METTL22: variants seen among roughly 807,000 people sequenced by gnomAD.
METTL22 encodes the protein methyltransferase 22, Kin17 lysine.
Under a neutral mutation model 48.4 loss-of-function variants are expected in METTL22, and 51 were observed. The ratio of observed to expected loss-of-function variants is 1.05; its 90% CI spans 0.84 to 1.33. The LOEUF is 1.33. Among genes scored for constraint, METTL22 ranks in the 40% most tolerant of loss-of-function variants. The pLI is 0.00. For synonymous variants in METTL22, 255 were observed against 214.1 expected, an observed-to-expected ratio of 1.19 and a Z score of -1.67; for missense variants, 678 against 526.9, an observed-to-expected ratio of 1.29 and a Z score of -2.81.
chr16:8,659,539 C>G, the METTL22 span, among the ~76,000 whole-genome samples: 67 of 152,076 alleles, frequency 4.4e-4, no homozygotes, highest in African/African-American at 1.5e-3. Context: ...TCTGACCTCA[C>G]GAAGCCTACA....
intron 6 of METTL22, chr16:8,639,473 A>G (rs1596356511): frequency 5.1e-6 from 2 of 391,236 alleles, no homozygotes; most frequent in East Asian, 4.5e-5. Context: ...CTCATGAAAC[A>G]TCCAGAGTGC....
chr16:8,637,379 G>A (rs146071478), intron 5 of METTL22, among the ~76,000 whole-genome samples: 140 of 152,106 alleles, frequency 9.2e-4, no homozygotes, highest in African/African-American at 3.2e-3. Context: ...GCTTTGCTTC[G>A]TCCCTGGTGC....
chr16:8,638,127 C>T (rs1267402791), intron 5 of METTL22, among the ~76,000 whole-genome samples: 2 of 151,838 alleles, frequency 1.3e-5, no homozygotes, highest in African/African-American at 4.8e-5. Context: ...AGTTGGTCAA[C>T]AAGTGCGAAA....
downstream of METTL22, among the ~76,000 whole-genome samples, chr16:8,651,565 C>T (rs1410372652): frequency 2.6e-5 from 4 of 151,992 alleles, no homozygotes; most frequent in Non-Finnish European, 4.4e-5. Context: ...TGTCTCACAT[C>T]ATCACCTGCT....
intron 7 of METTL22, 70 bp downstream of exon 7, chr16:8,641,254 C>T (rs115972874): frequency 2.6e-6 from 4 of 1,514,506 alleles, no homozygotes; most frequent in African/African-American, 1.4e-5. Flanking sequence ...GTGCCCCTGG[C>T]TCTGTGGTTT....
At chr16:8,661,440 A>T in the METTL22 span, among the ~76,000 whole-genome samples, 8,908 of 128,178 alleles carry the variant, frequency 0.069, 403 homozygotes, top group African/African-American at 0.08. Flanking sequence ...AGGTCAGGAG[A>T]TCGAGACCAT....
Position 8,629,038 on chromosome 16 carries a change from A to G in METTL22, c.442A>G (p.Ile148Val). ...GPLRDKVHPM[I>V]LAQEEDDVLG... ...TCTGAGAGACAAGGTACATCCCATG[A>G]TTCTAGCACAGGAAGAAGACGACGT... is the stretch of plus-strand genomic sequence containing the variant. Residue 148 changes from isoleucine to valine, a missense_variant, in exon 3 of 11, where the codon ATT (isoleucine) becomes GTT (valine). Ile to Val is a conservative substitution (Grantham distance 29). Coordinates refer to ENST00000381920, the MANE Select transcript of METTL22 (RefSeq NM_024109.4). 6.2e-7 allele frequency: 1 copy of G among 1,614,054 alleles called. No homozygotes were observed. Among genetic ancestry groups the G allele is most frequent in the Non-Finnish European group, 8.5e-7 (1 of 1,180,034 alleles).
intron 1 of METTL22, among the ~76,000 whole-genome samples, chr16:8,625,273 G>C (rs1263572046): frequency 6.6e-6 from 1 of 151,938 alleles, no homozygotes; most frequent in Non-Finnish European, 1.5e-5. Flanking sequence ...TTGAATCTAA[G>C]CAGTAGTTCT....
At chr16:8,657,884 A>C in the METTL22 span, among the ~76,000 whole-genome samples, 1 of 146,944 alleles carries the variant, frequency 6.8e-6, no homozygotes, top group African/African-American at 2.6e-5. Flanking sequence ...TGGTGTGATC[A>C]TAGCTCAGTG....
intron 9 of METTL22, chr16:8,643,076 G>A (rs977787623): frequency 6.0e-6 from 1 of 167,174 alleles, no homozygotes; most frequent in Non-Finnish European, 1.3e-5. Context: ...CCTTGTGATA[G>A]CTACACACAT....
rs377423835 is a variant in METTL22 at position 8,648,158 on chromosome 16, T to C, written c.*2015T>C. 1 of 152,158 alleles carries C rather than the reference T, an allele frequency of 6.6e-6. No homozygotes were observed. Among genetic ancestry groups the C allele is most frequent in the Non-Finnish European group, 1.5e-5 (1 of 68,062 alleles). The allele number at this position is 152,158 out of a possible 1,614,324, so 9.4% of individuals were successfully genotyped here. A position where few individuals can be genotyped will look rare whatever the true frequency, so the allele number is the denominator to read the frequency against. On this transcript the variant is annotated 3_prime_UTR_variant, in exon 11 of 11. Coordinates refer to ENST00000381920, the MANE Select transcript of METTL22 (RefSeq NM_024109.4). ...ACAACAAAGCAAGACCCCATCTCTA[T>C]TAAAAATTAAACAGCCAATTAGTCT...
At chr16:8,658,003 G>A in the METTL22 span, among the ~76,000 whole-genome samples, 10 of 152,102 alleles carry the variant, frequency 6.6e-5, no homozygotes, top group African/African-American at 2.4e-4. Flanking sequence ...TTTTAGCAGA[G>A]ACGGGGTTTC....
downstream of METTL22, among the ~76,000 whole-genome samples, chr16:8,652,677 T>TA (rs568694586): frequency 0.074 from 9,857 of 132,908 alleles, 441 homozygotes; most frequent in African/African-American, 0.14. Context: ...AATAATTATT[T>TA]TAAAAAAAAA....
At chr16:8,654,911 A>G in the METTL22 span, among the ~76,000 whole-genome samples, 1 of 152,208 alleles carries the variant, frequency 6.6e-6, no homozygotes, top group African/African-American at 2.4e-5. Flanking sequence ...CCATGTTTCT[A>G]GCCCATTACA....
At chr16:8,650,929 C>T (rs1261846831), downstream of METTL22, among the ~76,000 whole-genome samples, 1 of 152,120 alleles carries the variant, frequency 6.6e-6, no homozygotes, top group Admixed American at 6.6e-5. Flanking sequence ...GAGGCTGAGG[C>T]AGGAGAATTG....
intron 1 of METTL22, among the ~76,000 whole-genome samples, chr16:8,623,393 G>A (rs955841708): frequency 6.6e-6 from 1 of 151,608 alleles, no homozygotes; most frequent in African/African-American, 2.4e-5. Context: ...CAATATTAGA[G>A]AGGATCTTCC....
chr16:8,623,561 T>G (rs1217180424), intron 1 of METTL22: 1 of 152,202 alleles, frequency 6.6e-6, no homozygotes, highest in African/African-American at 2.4e-5. Flanking sequence ...TCCGATTGAT[T>G]GAGTGTTGGC....
At chr16:8,665,614 A>G in the METTL22 span, among the ~76,000 whole-genome samples, 1 of 152,232 alleles carries the variant, frequency 6.6e-6, no homozygotes, top group Admixed American at 6.5e-5. Flanking sequence ...CTGGATCTTC[A>G]CAGCACGCTC....
At chr16:8,659,487 A>T in the METTL22 span, among the ~76,000 whole-genome samples, 1 of 152,138 alleles carries the variant, frequency 6.6e-6, no homozygotes, top group Non-Finnish European at 1.5e-5. Flanking sequence ...CTGGATATTT[A>T]TGAGGTATTG....
Sources: gnomAD v4.1 joint callset for allele counts (sites outside exome capture counted in the v4.1 genomes callset) on GRCh38, gnomAD v4.1.1 for gene constraint, MANE v1.5 for transcripts, NCBI Gene and HGNC (gene_info 2026-07-23, HGNC 2026-07-21) for gene names.